A2M: variants seen among roughly 807,000 people sequenced by gnomAD.
The protein encoded by A2M is C3 and PZP-like alpha-2-macroglobulin domain-containing protein 5.
Under a neutral mutation model 183.9 loss-of-function variants are expected in A2M, and 128 were observed. That is an observed-to-expected ratio of 0.70 (90% confidence interval 0.60 to 0.81). A2M has a LOEUF of 0.81. Ranked by LOEUF, A2M falls within the 30% of genes least tolerant of loss-of-function variation. A2M has a pLI of 0.00. For synonymous variants in A2M, 592 were observed against 670.8 expected, an observed-to-expected ratio of 0.88 and a Z score of 1.81; for missense variants, 1,495 against 1,787.6, an observed-to-expected ratio of 0.84 and a Z score of 2.95.
At chr12:9,088,355 A>C (rs1219798058) in intron 22 of A2M, among the ~76,000 whole-genome samples, 2 of 152,130 alleles carry the variant, frequency 1.3e-5, no homozygotes, top group African/African-American at 4.8e-5. Context: ...TTTGATGATT[A>C]GCCCTTACAC....
At chr12:9,101,300 G>C (rs1937827387) in intron 12 of A2M, 93 bp from the exon 13 acceptor site, 16 of 1,378,330 alleles carry the variant, frequency 1.2e-5, no homozygotes, top group Non-Finnish European at 1.6e-5. Context: ...GTCCCTGCCG[G>C]CAATAATTCA....
Position 9,067,821 on chromosome 12 carries a change from C to G in A2M, c.*2G>C, listed in dbSNP as rs1309290192. 6.2e-7 allele frequency: 1 copy of G among 1,612,836 alleles called. No individual in the cohort carries two copies. The highest frequency in any genetic ancestry group is 2.2e-5 in the East Asian group (1 of 44,872). ...GCAAAGCACTTTTCAGCCTTGTGGT[C>G]TTCAAGCATTTCCAAGATCTGTGAC... On this transcript the variant is annotated 3_prime_UTR_variant, in exon 36 of 36. Transcript: ENST00000318602.
intron 17 of A2M, 55 bp downstream of exon 17, chr12:9,094,918 A>T (rs1949327787): frequency 1.0e-6 from 1 of 994,972 alleles, no homozygotes; most frequent in Non-Finnish European, 1.4e-6. Context: ...CTTTTAAAAA[A>T]TTTAAAATTT....
At chr12:9,112,296 A>T in intron 3 of A2M, 81 bp downstream of exon 3, 1 of 1,604,622 alleles carries the variant, frequency 6.2e-7, no homozygotes, top group Non-Finnish European at 8.5e-7. Flanking sequence ...AACCAAGATT[A>T]TAGGAACTTT....
chr12:9,093,015 T>G (rs1353233749), intron 18 of A2M, among the ~76,000 whole-genome samples: 1 of 152,194 alleles, frequency 6.6e-6, no homozygotes, highest in Non-Finnish European at 1.5e-5. Flanking sequence ...GGACAAGTAC[T>G]GCGTGATCTT....
chr12:9,095,401 A>G (rs1949342798), intron 16 of A2M, 138 bp downstream of exon 16: 1 of 776,908 alleles, frequency 1.3e-6, no homozygotes, highest in Non-Finnish European at 2.0e-6. Flanking sequence ...ATCTGCTGCT[A>G]TTAGTAGAGA....
At chr12:9,109,490 T>A in intron 6 of A2M, 85 bp from the exon 7 acceptor site, 1 of 1,016,384 alleles carries the variant, frequency 9.8e-7, no homozygotes, top group Non-Finnish European at 1.5e-6. Context: ...AACAGTTCCC[T>A]AATAATATTT....
chr12:9,073,351 C>T (rs1708106817), intron 29 of A2M, among the ~76,000 whole-genome samples: 1 of 152,160 alleles, frequency 6.6e-6, no homozygotes, highest in Non-Finnish European at 1.5e-5. Context: ...GCTTCAGTTT[C>T]TCCAAAAGAA....
chr12:9,072,330 G>A (rs1223029941), intron 31 of A2M, 29 bp downstream of exon 31: 14 of 1,611,468 alleles, frequency 8.7e-6, no homozygotes, highest in Non-Finnish European at 1.2e-5. Flanking sequence ...TTATTCTTAG[G>A]ATTAGGTGAT....
chr12:9,101,551 T>C lies in A2M; in HGVS notation c.1390A>G (p.Met464Val), dbSNP rs944785891. The C allele has an allele frequency of 6.2e-7, 1 of 1,613,998 alleles. No homozygotes were observed. The highest frequency in any genetic ancestry group is 1.3e-5 in the African/African-American group (1 of 75,032). The change falls in exon 12 of 36, where the codon ATG (methionine) becomes GTG (valine). Residue 464 changes from methionine to valine, a missense_variant. Physicochemically the swap from Met to Val is conservative, Grantham distance 21 (BLOSUM62 1). Transcript: ENST00000318602. ...TGGCCACAGGGTAGTTCATGAGACA[T>C]GGGCTCAAGGTGGACAAAGCTCTTG... Reference protein sequence around the residue: ...PSKSFVHLEPMSHELPCGHTQ... With the variant: ...PSKSFVHLEPVSHELPCGHTQ...
intron 4 of A2M, among the ~76,000 whole-genome samples, chr12:9,110,902 A>T (rs1455729938): frequency 6.6e-6 from 1 of 152,178 alleles, no homozygotes; most frequent in African/African-American, 2.4e-5. Context: ...CATTTACTAA[A>T]AATGGATTAA....
At chr12:9,091,147 CT>C (rs1949199596) in intron 19 of A2M, 53 bp downstream of exon 19, 1 of 1,577,564 alleles carries the variant, frequency 6.3e-7, no homozygotes, top group African/African-American at 1.3e-5. Context: ...AGGAATGCAA[CT>C]TTTAATTTAC....
intron 1 of A2M, among the ~76,000 whole-genome samples, 174 bp downstream of exon 1, chr12:9,115,590 G>T (rs1565607608): frequency 6.6e-6 from 1 of 152,126 alleles, no homozygotes; most frequent in African/African-American, 2.4e-5. Context: ...AGTTGGGGAA[G>T]AATGATTAAA....
chr12:9,111,379 G>A (rs1938715508), intron 4 of A2M: 1 of 360,720 alleles, frequency 2.8e-6, no homozygotes, highest in Admixed American at 3.3e-5. Context: ...AGAGTGATGG[G>A]TGTGGTGCCT....
chr12:9,068,105 G>C lies in A2M; in HGVS notation c.4408+78C>G, dbSNP rs1948449604. On this transcript the variant is annotated intron_variant, in intron 35 of 35. Transcript: ENST00000318602. ...GATGTTTTTGACAAATATTTACCCAGCGTTTTATGAAGGAGAAGGTTTGGG... is the reference window on the plus strand; with the variant it reads ...GATGTTTTTGACAAATATTTACCCACCGTTTTATGAAGGAGAAGGTTTGGG... 6.8e-6 allele frequency: 10 copies of C among 1,476,544 alleles called. No individual in the cohort carries two copies. The South Asian group carries it at 1.1e-4, about 16-fold the overall frequency. 91.5% of individuals were successfully genotyped at this position (1,476,544 alleles called of 1,614,324 possible). A position where few individuals can be genotyped will look rare whatever the true frequency, so the allele number is the denominator to read the frequency against.
intron 22 of A2M, among the ~76,000 whole-genome samples, chr12:9,083,382 A>C (rs1179870551): frequency 1.3e-5 from 2 of 151,686 alleles, no homozygotes; most frequent in East Asian, 3.9e-4. Context: ...TAGAACTTAA[A>C]GTATAAAAAA....
rs1938792420 is a variant in A2M, at chr12:9,112,276, G to A, written c.431-65C>T. On this transcript the variant is annotated intron_variant, in intron 3 of 35. Transcript: ENST00000318602. ...GTAGGCCTGTAGGCTGGTAAGACAAGCTATTAAGGAACCAAGATTATAGGA... is the reference window on the plus strand; with the variant it reads ...GTAGGCCTGTAGGCTGGTAAGACAAACTATTAAGGAACCAAGATTATAGGA... The A allele has an allele frequency of 3.0e-5, 48 of 1,606,876 alleles. 1 individual carries two copies. The South Asian group carries it at 4.5e-4, about 15-fold the overall frequency.
chr12:9,094,344 T>C (rs1274687255), intron 17 of A2M, among the ~76,000 whole-genome samples: 2 of 108,376 alleles, frequency 1.8e-5, no homozygotes, highest in Non-Finnish European at 4.1e-5. Flanking sequence ...ATTGTGCATA[T>C]ATATATATAT....
chr12:9,080,004 T>C, intron 23 of A2M, 90 bp downstream of exon 23: 2 of 964,216 alleles, frequency 2.1e-6, no homozygotes, highest in Admixed American at 3.2e-5. Flanking sequence ...GTTAAAATTA[T>C]AGTATTATTT....
Sources: allele counts gnomAD v4.1 joint callset (sites outside exome capture counted in the v4.1 genomes callset), GRCh38; gene constraint gnomAD v4.1.1; transcripts MANE v1.5; gene names NCBI Gene and HGNC (gene_info 2026-07-23, HGNC 2026-07-21).